The following MDGA2 variants were observed in gnomAD, a reference collection of about 807,000 sequenced individuals.
MDGA2 encodes the protein MAM domain containing glycosylphosphatidylinositol anchor 2.
A neutral mutation model predicts 117.8 loss-of-function variants in MDGA2; 40 were observed. The ratio of observed to expected loss-of-function variants is 0.34; its 90% confidence interval spans 0.26 to 0.44. The LOEUF (loss-of-function observed/expected upper bound fraction) is 0.44, where lower values mean the gene tolerates loss of function less well. Among genes scored for constraint, MDGA2 ranks in the 20% least tolerant of loss-of-function variants. The pLI, the probability that MDGA2 is intolerant of heterozygous loss-of-function variation, is 1.00. For synonymous variants in MDGA2, 452 were observed against 439.0 expected (o/e 1.03, Z -0.37); for missense variants, 1,123 against 1,250.6 (o/e 0.90, Z 1.54).
chr14:47,547,071 T>G (rs2138768468), intron 1 of MDGA2, among the ~76,000 whole-genome samples: 1 of 152,296 alleles, frequency 6.6e-6, no homozygotes, highest in Middle Eastern at 3.4e-3. Context: ...GCCCATTCAG[T>G]TTTTAATGAG....
chr14:47,642,727 TCCATAA>T (rs1490980755), intron 1 of MDGA2, among the ~76,000 whole-genome samples: 2 of 152,080 alleles, frequency 1.3e-5, no homozygotes, highest in Admixed American at 6.6e-5. Context: ...CATTGTAAAT[TCCATAA>T]CCCAACTTCT....
intron 1 of MDGA2, among the ~76,000 whole-genome samples, chr14:47,378,328 C>T (rs1044014712): frequency 6.6e-6 from 1 of 152,196 alleles, no homozygotes; most frequent in African/African-American, 2.4e-5. Context: ...AACGCAGCTC[C>T]TTGCCAGCAA....
chr14:47,458,930 T>C (rs1177566543), intron 1 of MDGA2, among the ~76,000 whole-genome samples: 5 of 150,348 alleles, frequency 3.3e-5, no homozygotes, highest in Admixed American at 2.7e-4. Flanking sequence ...TGGCCAGAAA[T>C]TTATCTAGTA....
intron 3 of MDGA2, among the ~76,000 whole-genome samples, chr14:47,216,355 G>A (rs1004883629): frequency 2.0e-5 from 3 of 152,004 alleles, no homozygotes; most frequent in African/African-American, 7.2e-5. Flanking sequence ...TTTTAGAAAG[G>A]TTATATAGTA....
intron 1 of MDGA2, among the ~76,000 whole-genome samples, chr14:47,344,352 A>G (rs1039844315): frequency 4.6e-5 from 7 of 152,142 alleles, no homozygotes; most frequent in Non-Finnish European, 5.9e-5. Flanking sequence ...ATTCACAAAC[A>G]AACAGTTTTG....
intron 3 of MDGA2, among the ~76,000 whole-genome samples, chr14:47,214,418 A>G (rs1158654492): frequency 6.6e-6 from 1 of 152,168 alleles, no homozygotes; most frequent in African/African-American, 2.4e-5. Flanking sequence ...TTCTTAAATG[A>G]TAAAATTATA....
chr14:47,314,974 C>T (rs527864658), intron 1 of MDGA2, among the ~76,000 whole-genome samples: 2 of 152,094 alleles, frequency 1.3e-5, no homozygotes, highest in East Asian at 3.9e-4. Flanking sequence ...TCTAGAGGGA[C>T]GTTAACTAGA....
At chr14:47,524,045 T>G (rs1355488373) in intron 1 of MDGA2, among the ~76,000 whole-genome samples, 1 of 152,192 alleles carries the variant, frequency 6.6e-6, no homozygotes, top group Admixed American at 6.5e-5. Flanking sequence ...TATTTCCTCC[T>G]CCAGTTTAAA....
chr14:47,348,165 A>G (rs201818410), intron 1 of MDGA2, among the ~76,000 whole-genome samples: 2 of 45,708 alleles, frequency 4.4e-5, no homozygotes, highest in African/African-American at 6.4e-5. Context: ...CTCTCTCTGT[A>G]TATGTGTGTG....
At chr14:47,036,083 C>T (rs1315308018) in intron 7 of MDGA2, among the ~76,000 whole-genome samples, 3 of 151,658 alleles carry the variant, frequency 2.0e-5, no homozygotes, top group Admixed American at 6.6e-5. Flanking sequence ...TCCTGGCTAA[C>T]ACGGTGAAAC....
At chr14:46,929,649 ATTTTTTT>A (rs1180832509) in intron 9 of MDGA2, among the ~76,000 whole-genome samples, 2 of 13,710 alleles carry the variant, frequency 1.5e-4, no homozygotes, top group African/African-American at 6.2e-4. Context: ...ATATATATAC[ATTTTTTT>A]TTTTTTTTTT....
At chr14:47,099,497 G>C (rs75821319) in intron 5 of MDGA2, among the ~76,000 whole-genome samples, 2,837 of 151,990 alleles carry the variant, frequency 0.019, 91 homozygotes, top group African/African-American at 0.065. Flanking sequence ...AAACATTATA[G>C]GTTAGTCATT....
intron 3 of MDGA2, among the ~76,000 whole-genome samples, chr14:47,176,620 C>A (rs2139349893): frequency 6.6e-6 from 1 of 152,296 alleles, no homozygotes; most frequent in East Asian, 1.9e-4. Flanking sequence ...GAAACTGGAT[C>A]CCTTCCTTAC....
intron 8 of MDGA2, among the ~76,000 whole-genome samples, chr14:47,025,274 C>T (rs900895337): frequency 8.5e-5 from 13 of 152,122 alleles, no homozygotes; most frequent in Admixed American, 3.3e-4. Context: ...GGAAGAATGT[C>T]AACTATAATC....
At chr14:46,844,867 G>T (rs1006810160) in intron 16 of MDGA2, among the ~76,000 whole-genome samples, 7 of 150,446 alleles carry the variant, frequency 4.7e-5, no homozygotes, top group East Asian at 1.9e-4. Context: ...TAGATCTGAT[G>T]ATTTTTATTA....
intron 8 of MDGA2, among the ~76,000 whole-genome samples, chr14:47,000,392 TATATATAA>T (rs1887476611): frequency 1.1e-4 from 2 of 17,498 alleles, no homozygotes; most frequent in Non-Finnish European, 1.6e-4. Flanking sequence ...TATATATATT[TATATATAA>T]ATATATATTT....
At chr14:47,353,912 A>G (rs938741658) in intron 1 of MDGA2, among the ~76,000 whole-genome samples, 32 of 152,190 alleles carry the variant, frequency 2.1e-4, no homozygotes, top group African/African-American at 7.5e-4. Flanking sequence ...TCAACAGAAT[A>G]CTAGCAAATT....
chr14:47,605,392 T>G, intron 1 of MDGA2, among the ~76,000 whole-genome samples: 1 of 152,184 alleles, frequency 6.6e-6, no homozygotes, highest in East Asian at 1.9e-4. Context: ...GGACTTTATG[T>G]ACTAAAATGT....
Position 47,549,954 on chromosome 14 carries a change from G to A in MDGA2, c.280+124563C>T, listed in dbSNP as rs182972743. On this transcript the variant is annotated intron_variant, in intron 1 of 16. Coordinates refer to ENST00000399232, the MANE Select transcript of MDGA2 (RefSeq NM_001113498.3). ...CTGTTGTTTAAGCCATTTAATCTGT[G>A]GTATTTTGTTATGGCAGCCCAAGCT... Among the ~76,000 whole-genome samples the A allele has an allele frequency of 2.1e-3, 318 of 152,230 alleles. 1 individual carries two copies. The highest frequency in any genetic ancestry group is 8.4e-3 in the Admixed American group (129 of 15,294).
Sources: gnomAD v4.1 joint callset for allele counts (sites outside exome capture counted in the v4.1 genomes callset) on GRCh38, gnomAD v4.1.1 for gene constraint, MANE v1.5 for transcripts, NCBI Gene and HGNC (gene_info 2026-07-23, HGNC 2026-07-21) for gene names.